The following ADH4 variants were observed in gnomAD, a reference collection of about 807,000 sequenced individuals.
ADH4 encodes all-trans-retinol dehydrogenase [NAD(+)] ADH4.
In ADH4, 31 loss-of-function variants were observed where a neutral mutation model predicts 35.2. That is an observed-to-expected ratio of 0.88 (90% confidence interval 0.66 to 1.19). The LOEUF is 1.19. Ranked by LOEUF, ADH4 falls within the 50% of genes most tolerant of loss-of-function variation. The pLI is 0.00. For missense variants in ADH4, 476 were observed against 458.3 expected, an observed-to-expected ratio of 1.04 and a Z score of -0.35; for synonymous variants, 171 against 160.2, an observed-to-expected ratio of 1.07 and a Z score of -0.51.
chr4:99,125,522 C>G (rs1260329094), intron 8 of ADH4, among the ~76,000 whole-genome samples: 1 of 152,212 alleles, frequency 6.6e-6, no homozygotes, highest in Non-Finnish European at 1.5e-5. Flanking sequence ...GAGGCTCAAA[C>G]CCCACTTCAA....
intron 3 of ADH4, among the ~76,000 whole-genome samples, 199 bp downstream of exon 3, chr4:99,141,342 G>C (rs1258016542): frequency 6.6e-6 from 1 of 152,138 alleles, no homozygotes; most frequent in African/African-American, 2.4e-5. Context: ...ACATTTCCTA[G>C]ATTTTATTAG....
chr4:99,131,606 G>A lies in ADH4; in HGVS notation c.741C>T (p.Leu247=). Residue 247 remains leucine (L), a synonymous_variant, in exon 6 of 9, where the codon CTC becomes CTT. Transcript: ENST00000265512. ...KAKALGATDC[L]NPRDLHKPIQ... ...TCGGTTTATGTAAGTCTCTAGGATT[G>A]AGGCAGTCAGTGGCTCCCAGGGCTT... 3.7e-6 allele frequency: 6 copies of A among 1,614,120 alleles called. No individual in the cohort carries two copies. Among genetic ancestry groups the A allele is most frequent in the Non-Finnish European group, 5.1e-6 (6 of 1,180,006 alleles).
Position 99,142,780 on chromosome 4 carries a change from C to A in ADH4, c.19G>T (p.Val7Phe). MGTKGK[V>F]IKCKAAIAWE... ...GCGATGGCTGCTTTGCATTTAATAACCTGAAAGAGAGAAAGAAAAGGAAGA... is the reference window on the plus strand; with the variant it reads ...GCGATGGCTGCTTTGCATTTAATAAACTGAAAGAGAGAAAGAAAAGGAAGA... The change falls in exon 2 of 9, where the codon GTT (valine) becomes TTT (phenylalanine). Residue 7 changes from valine to phenylalanine, a missense_variant and splice_region_variant. Physicochemically the swap from Val to Phe is conservative, Grantham distance 50. Coordinates refer to ENST00000265512, the MANE Select transcript of ADH4 (RefSeq NM_000670.5). 1 of 1,594,380 alleles carries A rather than the reference C, an allele frequency of 6.3e-7. No individual in the cohort carries two copies. The highest frequency in any genetic ancestry group is 8.5e-7 in the Non-Finnish European group (1 of 1,171,880).
intron 5 of ADH4, among the ~76,000 whole-genome samples, chr4:99,132,425 T>C (rs1281847721): frequency 6.6e-6 from 1 of 152,236 alleles, no homozygotes; most frequent in African/African-American, 2.4e-5. Context: ...AGACATTCTG[T>C]CTATGAAACT....
Position 99,136,674 on chromosome 4 carries a change from T to A in ADH4, c.374A>T (p.Asp125Val). ...GGTTTTGTCTTCCATTAGTTGTTGA[T>A]CACTAGCAGGACTTTTGAGATTACT... ...KISNLKSPAS[D>V]QQLMEDKTSR... is the part of the protein sequence containing the mutation. Residue 125 changes from aspartate (D) to valine (V), a missense_variant, in exon 5 of 9, where the codon GAT (aspartate) becomes GTT (valine). Coordinates refer to ENST00000265512, the MANE Select transcript of ADH4 (RefSeq NM_000670.5). The A allele has an allele frequency of 6.2e-7, 1 of 1,613,382 alleles. No individual in the cohort carries two copies. The highest frequency in any genetic ancestry group is 2.2e-5 in the East Asian group (1 of 44,856).
intron 5 of ADH4, among the ~76,000 whole-genome samples, chr4:99,135,292 C>T (rs1470409300): frequency 2.0e-5 from 3 of 151,734 alleles, no homozygotes; most frequent in African/African-American, 4.8e-5. Flanking sequence ...AGCCAGGCAT[C>T]GTGGTGCATG....
Position 99,123,857 on chromosome 4 carries a change from T to C in ADH4, c.*585A>G, listed in dbSNP as rs1192722302. Reference sequence around the variant, plus strand: ...GGTACATGTGCAGGATGTGCAGGTTTGTTACATAGGTAAACATGTACCATG... The same window carrying C: ...GGTACATGTGCAGGATGTGCAGGTTCGTTACATAGGTAAACATGTACCATG... On this transcript the variant is annotated 3_prime_UTR_variant, in exon 9 of 9. Coordinates refer to ENST00000265512, the MANE Select transcript of ADH4 (RefSeq NM_000670.5). 6.6e-6 allele frequency: 1 copy of C among 152,320 alleles called. No homozygotes were observed. The highest frequency in any genetic ancestry group is 1.5e-5 in the Non-Finnish European group (1 of 68,116). The allele number at this position is 152,320 out of a possible 1,614,324, so 9.4% of individuals were successfully genotyped here. A position where few individuals can be genotyped will look rare whatever the true frequency, so the allele number is the denominator to read the frequency against.
At chr4:99,138,861 T>C (rs1190903346) in intron 4 of ADH4, among the ~76,000 whole-genome samples, 200 bp downstream of exon 4, 2 of 152,208 alleles carry the variant, frequency 1.3e-5, no homozygotes, top group Non-Finnish European at 2.9e-5. Context: ...TTAAATTGCT[T>C]ACTCTAATAA....
intron 4 of ADH4, 138 bp from the exon 5 acceptor site, chr4:99,136,835 C>T (rs545700204): frequency 8.2e-6 from 5 of 609,784 alleles, no homozygotes; most frequent in African/African-American, 5.5e-5. Context: ...AGGGAAACAA[C>T]AAGACTTTTC....
rs372277350 is a variant in ADH4, at chr4:99,131,469, A to G, written c.843+35T>C. Reference sequence around the variant, plus strand: ...CTATTATTTGACAGCCAAAGAATACATTGAAAATATGATCCAAGAACAAAA... The same window carrying G: ...CTATTATTTGACAGCCAAAGAATACGTTGAAAATATGATCCAAGAACAAAA... On this transcript the variant is annotated intron_variant, in intron 6 of 8. Coordinates refer to ENST00000265512, the MANE Select transcript of ADH4 (RefSeq NM_000670.5). The G allele has an allele frequency of 2.4e-5, 38 of 1,596,532 alleles. No homozygotes were observed. The African/African-American group carries it at 5.1e-4, about 22-fold the overall frequency.
intron 3 of ADH4, among the ~76,000 whole-genome samples, chr4:99,140,866 CAAA>C (rs35246304): frequency 1.8e-4 from 23 of 127,458 alleles, no homozygotes; most frequent in Admixed American, 3.9e-4. Context: ...GGCTCCATCT[CAAA>C]AAAAAAAAAA....
At chr4:99,137,201 C>T (rs1410387181) in intron 4 of ADH4, among the ~76,000 whole-genome samples, 1 of 151,874 alleles carries the variant, frequency 6.6e-6, no homozygotes, top group Non-Finnish European at 1.5e-5. Context: ...GATCTCAGCT[C>T]AATGCAACCT....
intron 5 of ADH4, among the ~76,000 whole-genome samples, chr4:99,135,920 T>A (rs1029502827): frequency 6.6e-6 from 1 of 152,162 alleles, no homozygotes; most frequent in African/African-American, 2.4e-5. Context: ...AATTCTAACA[T>A]GGGATTCCAG....
intron 2 of ADH4, among the ~76,000 whole-genome samples, chr4:99,141,969 G>C (rs753306282): frequency 1.2e-4 from 18 of 152,130 alleles, no homozygotes; most frequent in Non-Finnish European, 7.4e-5. Context: ...AGGTAATAGG[G>C]CTTATTGAAA....
At chr4:99,133,196 A>G (rs1308100151) in intron 5 of ADH4, among the ~76,000 whole-genome samples, 5 of 152,178 alleles carry the variant, frequency 3.3e-5, no homozygotes, top group African/African-American at 1.2e-4. Context: ...GTATTATACA[A>G]CTGGACCCCT....
chr4:99,141,869 G>A (rs1729636322), intron 2 of ADH4, among the ~76,000 whole-genome samples, 187 bp from the exon 3 acceptor site: 1 of 152,136 alleles, frequency 6.6e-6, no homozygotes, highest in Admixed American at 6.6e-5. Context: ...CTCTTATAAT[G>A]CATCTTTGTT....
chr4:99,124,395 C>G lies in ADH4; in HGVS notation c.*47G>C. On this transcript the variant is annotated 3_prime_UTR_variant, in exon 9 of 9. Coordinates refer to ENST00000265512, the MANE Select transcript of ADH4 (RefSeq NM_000670.5). The stretch of plus-strand genomic sequence containing the variant: ...CAAATCAGGTAATAAATTAACCAGG[C>G]AGGTTCACATTCAATCAGATAGTAT... 7.4e-7 allele frequency: 1 copy of G among 1,347,274 alleles called. No homozygotes were observed. Among genetic ancestry groups the G allele is most frequent in the South Asian group, 1.3e-5 (1 of 76,130 alleles). The allele number at this position is 1,347,274 out of a possible 1,614,324, so 83.5% of individuals were successfully genotyped here.
intron 4 of ADH4, among the ~76,000 whole-genome samples, chr4:99,137,821 T>C (rs1431010927): frequency 6.6e-6 from 1 of 152,206 alleles, no homozygotes; most frequent in East Asian, 1.9e-4. Flanking sequence ...ATCCCAGATA[T>C]CACGATTTCA....
intron 8 of ADH4, 104 bp downstream of exon 8, chr4:99,126,490 G>A (rs576771075): frequency 6.5e-6 from 8 of 1,230,414 alleles, no homozygotes; most frequent in South Asian, 1.6e-5. Flanking sequence ...CCTGGGATGT[G>A]GAAAATGTCA....
Sources: allele counts gnomAD v4.1 joint callset (sites outside exome capture counted in the v4.1 genomes callset), GRCh38; gene constraint gnomAD v4.1.1; transcripts MANE v1.5; gene names NCBI Gene and HGNC (gene_info 2026-07-23, HGNC 2026-07-21).